Variants in STARD13 observed in about 807,000 individuals in gnomAD.
STARD13 encodes the protein stAR-related lipid transfer protein 13.
A neutral mutation model predicts 106.4 loss-of-function variants in STARD13; 62 were observed. The ratio of observed to expected loss-of-function variants is 0.58; its 90% CI spans 0.48 to 0.72. The LOEUF (loss-of-function observed/expected upper bound fraction) is 0.72. STARD13 is among the 30% of genes least tolerant of loss of function. The pLI, the probability that STARD13 is intolerant of heterozygous loss-of-function variation, is 0.00. For missense variants in STARD13, 1,387 were observed against 1,424.0 expected (o/e 0.97, Z 0.42); for synonymous variants, 565 against 553.0 (o/e 1.02, Z -0.31).
chr13:33,211,272 T>C (rs1377055575), intron 1 of STARD13, among the ~76,000 whole-genome samples: 1 of 151,754 alleles, frequency 6.6e-6, no homozygotes, highest in Non-Finnish European at 1.5e-5. Context: ...AAAAATATTT[T>C]AATGATACCA....
chr13:33,548,401 G>A, the STARD13 span, among the ~76,000 whole-genome samples: 1 of 152,158 alleles, frequency 6.6e-6, no homozygotes, highest in Non-Finnish European at 1.5e-5. Flanking sequence ...AAGTGGAATA[G>A]TGCATAGAAA....
the STARD13 span, among the ~76,000 whole-genome samples, chr13:33,457,107 G>A: frequency 2.0e-5 from 3 of 152,230 alleles, no homozygotes; most frequent in Non-Finnish European, 4.4e-5. Context: ...TTAGGCTCAT[G>A]TTATTCCTTA....
At chr13:33,323,046 T>G (rs1893617173) in intron 1 of STARD13, among the ~76,000 whole-genome samples, 1 of 152,316 alleles carries the variant, frequency 6.6e-6, no homozygotes, top group East Asian at 1.9e-4. Context: ...AATCTCCATA[T>G]TTTTTCCTCC....
At position 33,177,965 on chromosome 13, in the gene STARD13, GAAGGAAGGAAGGAAGGAAGGA is replaced by G. The variant is rs1354591171; in HGVS notation, c.170-10364_170-10344del. ...GAAGGAAGGAAGGAAAGGAAGGAAG[GAAGGAAGGAAGGAAGGAAGGA>G]AAGGAAGGAAGGAAGGAAGGAAGGA... is the stretch of plus-strand genomic sequence containing the variant. On this transcript the variant is annotated intron_variant, in intron 1 of 13. Coordinates refer to ENST00000336934, the MANE Select transcript of STARD13 (RefSeq NM_178006.4). 8.2e-4 allele frequency among the ~76,000 whole-genome samples: 7 copies of G among 8,536 alleles called. 1 individual carries two copies. Among genetic ancestry groups the G allele is most frequent in the East Asian group, 5.2e-3 (2 of 386 alleles). 5.6% of individuals were successfully genotyped at this position (8,536 alleles called of 152,430 possible). A position where few individuals can be genotyped will look rare whatever the true frequency, so the allele number is the denominator to read the frequency against.
chr13:33,659,236 T>TTTTTAA, the STARD13 span, among the ~76,000 whole-genome samples: 1 of 138,566 alleles, frequency 7.2e-6, no homozygotes, highest in Non-Finnish European at 1.5e-5. Flanking sequence ...TTTTTTTTTT[T>TTTTTAA]ATGAAGTCTT....
intron 1 of STARD13, among the ~76,000 whole-genome samples, chr13:33,201,272 C>T (rs1326818706): frequency 6.6e-6 from 1 of 152,026 alleles, no homozygotes; most frequent in Non-Finnish European, 1.5e-5. Context: ...CAGAAACCCT[C>T]CCACACTGAG....
the STARD13 span, among the ~76,000 whole-genome samples, chr13:33,563,859 C>T: frequency 1.4e-5 from 2 of 147,290 alleles, 1 homozygote; most frequent in East Asian, 4.0e-4. Flanking sequence ...ATATAAGGAG[C>T]TCAAACAACT....
At chr13:33,352,980 C>G (rs1369458369), upstream of STARD13, among the ~76,000 whole-genome samples, 1 of 152,226 alleles carries the variant, frequency 6.6e-6, no homozygotes, top group Non-Finnish European at 1.5e-5. Flanking sequence ...TTCTTGCTTA[C>G]TGTCTTCCCT....
chr13:33,583,363 C>T, the STARD13 span, among the ~76,000 whole-genome samples: 4 of 152,088 alleles, frequency 2.6e-5, no homozygotes, highest in Admixed American at 6.5e-5. Flanking sequence ...ATTATCCTAC[C>T]GAAGGAAGTC....
intron 3 of STARD13, among the ~76,000 whole-genome samples, chr13:33,164,724 G>A (rs1883122223): frequency 6.6e-6 from 1 of 152,168 alleles, no homozygotes; most frequent in Admixed American, 6.6e-5. Flanking sequence ...TCTTCAACAA[G>A]ATAATACGTT....
At chr13:33,384,903 A>C in the STARD13 span, among the ~76,000 whole-genome samples, 2 of 152,114 alleles carry the variant, frequency 1.3e-5, no homozygotes, top group Admixed American at 1.3e-4. Context: ...TACATATGGA[A>C]CCAAAATGAT....
chr13:33,168,875 G>A (rs926515828), intron 1 of STARD13, among the ~76,000 whole-genome samples: 1 of 152,222 alleles, frequency 6.6e-6, no homozygotes, highest in Admixed American at 6.5e-5. Flanking sequence ...TCACCAGGAA[G>A]AGCAAAACCC....
chr13:33,504,605 T>G, the STARD13 span, among the ~76,000 whole-genome samples: 10 of 95,988 alleles, frequency 1.0e-4, no homozygotes, highest in East Asian at 3.5e-4. Context: ...GGGCCTGTCA[T>G]GGGGTGGGGG....
the STARD13 span, among the ~76,000 whole-genome samples, chr13:33,480,618 A>G: frequency 6.6e-6 from 1 of 152,192 alleles, no homozygotes; most frequent in Admixed American, 6.5e-5. Flanking sequence ...GCAGAGAAGT[A>G]CACTGTAGTA....
intron 12 of STARD13, among the ~76,000 whole-genome samples, chr13:33,107,138 G>T (rs1232179258): frequency 6.6e-6 from 1 of 152,206 alleles, no homozygotes; most frequent in African/African-American, 2.4e-5. Flanking sequence ...TCAGCTCTGG[G>T]ACTGTGAGGC....
intron 3 of STARD13, among the ~76,000 whole-genome samples, chr13:33,151,660 C>T (rs1566028150): frequency 6.6e-6 from 1 of 152,160 alleles, no homozygotes; most frequent in South Asian, 2.1e-4. Context: ...ACAAAGGATT[C>T]AAATGAAGAT....
At chr13:33,545,449 A>G in the STARD13 span, among the ~76,000 whole-genome samples, 1 of 152,208 alleles carries the variant, frequency 6.6e-6, no homozygotes, top group Admixed American at 6.5e-5. Flanking sequence ...AAATTCACTA[A>G]TGAAGCAGGC....
At chr13:33,564,058 G>C in the STARD13 span, among the ~76,000 whole-genome samples, 5 of 145,546 alleles carry the variant, frequency 3.4e-5, 1 homozygote, top group Non-Finnish European at 3.0e-5. Context: ...GGGTGTGGTG[G>C]TGTGCACCTG....
At chr13:33,370,619 CTTTTTT>C in the STARD13 span, among the ~76,000 whole-genome samples, 828 of 131,594 alleles carry the variant, frequency 6.3e-3, 2 homozygotes, top group Non-Finnish European at 9.6e-3. Context: ...TTCTTTCTTT[CTTTTTT>C]TTTTTTTTTT....
Sources: gnomAD v4.1 joint callset for allele counts (sites outside exome capture counted in the v4.1 genomes callset) on GRCh38, gnomAD v4.1.1 for gene constraint, MANE v1.5 for transcripts, NCBI Gene and HGNC (gene_info 2026-07-23, HGNC 2026-07-21) for gene names.